TMC7: variants seen among roughly 807,000 people sequenced by gnomAD.
TMC7 encodes transmembrane channel like 7.
In TMC7, 54 loss-of-function variants were observed where a neutral mutation model predicts 82.9. The observed-to-expected ratio is 0.65, with a 90% confidence interval of 0.52 to 0.82. The LOEUF is 0.82. Among genes scored for constraint, TMC7 ranks in the 40% least tolerant of loss-of-function variants. The pLI is 0.00. For synonymous variants in TMC7, 350 were observed against 337.9 expected (o/e 1.04, Z -0.39); for missense variants, 820 against 901.2 (o/e 0.91, Z 1.15).
rs1481946303 is a variant in TMC7 at position 19,009,189 on chromosome 16, T to C, written c.85T>C (p.Ser29Pro). Residue 29 changes from serine (S) to proline (P), a missense_variant, in exon 2 of 16, where the codon TCC (serine) becomes CCC (proline). This residue lies in a region of TMC7 where 650 missense variants were observed against 669.9 expected (regional missense o/e 0.97). Transcript: ENST00000304381. ...AVHPENLSLD[S>P]SCFSSPPVNF... ...TTACATAGAGAACCTCTCTCTAGAC[T>C]CCAGTTGCTTCTCTTCTCCACCTGT... is the stretch of plus-strand genomic sequence containing the variant. 1.2e-6 allele frequency: 2 copies of C among 1,614,030 alleles called. No homozygotes were observed. Among genetic ancestry groups the C allele is most frequent in the East Asian group, 2.2e-5 (1 of 44,898 alleles).
intron 6 of TMC7, among the ~76,000 whole-genome samples, chr16:19,035,386 A>G (rs1960697952): frequency 6.6e-6 from 1 of 152,170 alleles, no homozygotes; most frequent in Non-Finnish European, 1.5e-5. Context: ...CAATATTACC[A>G]AGGTTACAAA....
At chr16:19,039,092 C>T (rs865959086) in intron 8 of TMC7, among the ~76,000 whole-genome samples, 440 of 130,424 alleles carry the variant, frequency 3.4e-3, no homozygotes, top group African/African-American at 0.012. Flanking sequence ...TTTCTTTTTT[C>T]TTTTTTTTTT....
At chr16:18,989,862 G>A (rs965492962) in intron 1 of TMC7, among the ~76,000 whole-genome samples, 7 of 151,798 alleles carry the variant, frequency 4.6e-5, no homozygotes, top group Admixed American at 2.0e-4. Flanking sequence ...TAGCTCTGTC[G>A]CCCAGCCTGA....
intron 1 of TMC7, among the ~76,000 whole-genome samples, chr16:19,005,120 G>A (rs940520840): frequency 6.7e-6 from 1 of 150,226 alleles, no homozygotes; most frequent in Non-Finnish European, 1.5e-5. Flanking sequence ...ACGGAGTCTC[G>A]CTCTGTCGCC....
chr16:18,995,638 G>A (rs58822413), intron 1 of TMC7, among the ~76,000 whole-genome samples: 9,539 of 152,228 alleles, frequency 0.063, 377 homozygotes, highest in South Asian at 0.12. Context: ...TGGCCGCTGC[G>A]GTTCAGACGT....
At chr16:19,004,905 G>A (rs1479660233) in intron 1 of TMC7, among the ~76,000 whole-genome samples, 1 of 151,094 alleles carries the variant, frequency 6.6e-6, no homozygotes, top group Non-Finnish European at 1.5e-5. Context: ...GTCTTGTTAT[G>A]TTGACCAAGC....
chr16:19,053,260 G>A (rs2142308353), intron 13 of TMC7, among the ~76,000 whole-genome samples: 1 of 151,588 alleles, frequency 6.6e-6, no homozygotes, highest in African/African-American at 2.4e-5. Flanking sequence ...AAGAAAACGT[G>A]AGATAATAGT....
intron 1 of TMC7, among the ~76,000 whole-genome samples, chr16:18,988,535 C>A (rs2038894033): frequency 6.6e-6 from 1 of 152,120 alleles, no homozygotes; most frequent in African/African-American, 2.4e-5. Flanking sequence ...AATCGATCTT[C>A]CTGCCTTGGT....
intron 13 of TMC7, among the ~76,000 whole-genome samples, chr16:19,053,510 T>C (rs1450300140): frequency 6.6e-6 from 1 of 152,110 alleles, no homozygotes; most frequent in African/African-American, 2.4e-5. Context: ...TTCAAGCGAT[T>C]CTCCTGCCTC....
intron 9 of TMC7, among the ~76,000 whole-genome samples, chr16:19,042,568 C>G (rs898542656): frequency 6.7e-6 from 1 of 149,800 alleles, no homozygotes; most frequent in Admixed American, 6.7e-5. Flanking sequence ...AATGCAGTGG[C>G]TCGATCTTGG....
chr16:19,010,633 C>T (rs138050429), intron 2 of TMC7, among the ~76,000 whole-genome samples: 194 of 152,314 alleles, frequency 1.3e-3, no homozygotes, highest in African/African-American at 4.6e-3. Flanking sequence ...CAGTCAGCTA[C>T]GCAGCAGAAT....
At chr16:19,060,445 T>C (rs1451986390) in intron 15 of TMC7, among the ~76,000 whole-genome samples, 2 of 152,084 alleles carry the variant, frequency 1.3e-5, no homozygotes, top group African/African-American at 4.8e-5. Flanking sequence ...GCTCAAGTGA[T>C]TGTCCCCTCT....
chr16:19,002,100 G>A (rs2039151359), intron 1 of TMC7, among the ~76,000 whole-genome samples: 1 of 152,138 alleles, frequency 6.6e-6, no homozygotes, highest in Non-Finnish European at 1.5e-5. Context: ...CATCCTGGGA[G>A]GTTCATGCCT....
chr16:19,004,090 C>T (rs2039191791), intron 1 of TMC7, among the ~76,000 whole-genome samples: 1 of 151,422 alleles, frequency 6.6e-6, no homozygotes, highest in Non-Finnish European at 1.5e-5. Context: ...TCTGTGCTTA[C>T]CTCTGCAGGT....
At chr16:18,990,463 T>G (rs1486833425) in intron 1 of TMC7, among the ~76,000 whole-genome samples, 1 of 152,124 alleles carries the variant, frequency 6.6e-6, no homozygotes, top group Non-Finnish European at 1.5e-5. Flanking sequence ...CCCGGCTAAT[T>G]TTTGTATTTT....
At chr16:19,052,286 A>T (rs1175069185) in intron 13 of TMC7, among the ~76,000 whole-genome samples, 1 of 152,172 alleles carries the variant, frequency 6.6e-6, no homozygotes, top group Non-Finnish European at 1.5e-5. Context: ...CCAAGACTCA[A>T]GCGATCTTCT....
intron 9 of TMC7, among the ~76,000 whole-genome samples, chr16:19,043,278 G>T (rs189118559): frequency 6.6e-6 from 1 of 151,918 alleles, no homozygotes; most frequent in South Asian, 2.1e-4. Context: ...CAGACATCCC[G>T]CGACCCTGAT....
chr16:19,028,704 G>A (rs1282390336), intron 5 of TMC7, among the ~76,000 whole-genome samples: 1 of 151,952 alleles, frequency 6.6e-6, no homozygotes, highest in African/African-American at 2.4e-5. Context: ...TGCCCAGGCT[G>A]GAATGCAGTG....
chr16:19,048,654 C>G (rs1405881633), intron 12 of TMC7, among the ~76,000 whole-genome samples: 1 of 152,114 alleles, frequency 6.6e-6, no homozygotes, highest in African/African-American at 2.4e-5. Context: ...CTCCCGACCT[C>G]AGGTGATCTG....
Sources: allele counts gnomAD v4.1 joint callset (sites outside exome capture counted in the v4.1 genomes callset), GRCh38; gene constraint gnomAD v4.1.1; regional missense constraint gnomAD v4.1.1; transcripts MANE v1.5; gene names NCBI Gene and HGNC (gene_info 2026-07-23, HGNC 2026-07-21).